GRIA4: variants seen among roughly 807,000 people sequenced by gnomAD.
The protein encoded by GRIA4 is glutamate ionotropic receptor AMPA type subunit 4.
GRIA4 carries 34 observed loss-of-function variants against 104.0 expected under a neutral mutation model. The observed-to-expected ratio is 0.33, with a 90% confidence interval of 0.25 to 0.44. The LOEUF (loss-of-function observed/expected upper bound fraction) is 0.44, where lower values mean the gene tolerates loss of function less well. GRIA4 is among the 20% of genes least tolerant of loss of function. The pLI, the probability that GRIA4 is intolerant of heterozygous loss-of-function variation, is 1.00. For synonymous variants in GRIA4, 386 were observed against 381.9 expected, an observed-to-expected ratio of 1.01 and a Z score of -0.13; for missense variants, 750 against 1,096.5, an observed-to-expected ratio of 0.68 and a Z score of 4.46.
intron 14 of GRIA4, chr11:105,965,986 A>AG: frequency 6.2e-7 from 1 of 1,613,374 alleles, no homozygotes; most frequent in East Asian, 2.2e-5. Flanking sequence ...TGAATGAACA[A>AG]GGCCTCTTGG....
At chr11:105,788,150 C>G (rs1942057175) in intron 4 of GRIA4, among the ~76,000 whole-genome samples, 1 of 152,076 alleles carries the variant, frequency 6.6e-6, no homozygotes, top group Admixed American at 6.5e-5. Context: ...TACAAAAAGG[C>G]TTTCAAATGT....
At chr11:105,621,203 G>A (rs1189809153) in intron 3 of GRIA4, among the ~76,000 whole-genome samples, 1 of 151,612 alleles carries the variant, frequency 6.6e-6, no homozygotes, top group African/African-American at 2.4e-5. Flanking sequence ...ATTCCAAAAT[G>A]AGCAGACTTT....
intron 14 of GRIA4, among the ~76,000 whole-genome samples, chr11:105,946,956 T>C (rs1304557826): frequency 6.6e-6 from 1 of 152,224 alleles, no homozygotes; most frequent in African/African-American, 2.4e-5. Context: ...TGCAAATCCT[T>C]AAAGTTGGAT....
At chr11:105,964,638 C>T (rs1948815962) in intron 14 of GRIA4, among the ~76,000 whole-genome samples, 1 of 152,114 alleles carries the variant, frequency 6.6e-6, no homozygotes. Context: ...CCCAAATTCC[C>T]TCAGCATATG....
intron 3 of GRIA4, among the ~76,000 whole-genome samples, chr11:105,632,884 G>A (rs909501118): frequency 6.6e-6 from 1 of 152,176 alleles, no homozygotes; most frequent in African/African-American, 2.4e-5. Context: ...ATAATAATTT[G>A]TATCATTCCC....
At chr11:105,904,516 A>T (rs192980254) in intron 8 of GRIA4, among the ~76,000 whole-genome samples, 1 of 152,348 alleles carries the variant, frequency 6.6e-6, no homozygotes, top group Admixed American at 6.5e-5. Context: ...GTCCTGGAAC[A>T]TACCAGAACC....
At chr11:105,680,691 T>C (rs1157245506) in intron 3 of GRIA4, among the ~76,000 whole-genome samples, 1 of 152,150 alleles carries the variant, frequency 6.6e-6, no homozygotes, top group Non-Finnish European at 1.5e-5. Context: ...AAGAAGTGAC[T>C]CAATTTCTGA....
chr11:105,814,301 T>C (rs1481909759), intron 4 of GRIA4, among the ~76,000 whole-genome samples: 1 of 152,226 alleles, frequency 6.6e-6, no homozygotes, highest in Non-Finnish European at 1.5e-5. Flanking sequence ...TAGTGTCAAA[T>C]AAATGCTAGT....
intron 3 of GRIA4, among the ~76,000 whole-genome samples, chr11:105,750,142 T>G (rs1939914916): frequency 6.6e-6 from 1 of 152,044 alleles, no homozygotes; most frequent in African/African-American, 2.4e-5. Context: ...GATTCAAGAG[T>G]GTTTTCAAAG....
chr11:105,759,213 C>T (rs1446840701), intron 4 of GRIA4, among the ~76,000 whole-genome samples: 2 of 151,992 alleles, frequency 1.3e-5, no homozygotes, highest in Non-Finnish European at 2.9e-5. Flanking sequence ...CATCCTTAAA[C>T]TCTAATAAAT....
intron 3 of GRIA4, among the ~76,000 whole-genome samples, chr11:105,711,738 A>AT (rs1471013705): frequency 1.3e-5 from 2 of 152,176 alleles, no homozygotes; most frequent in African/African-American, 4.8e-5. Context: ...TGTCCAAGAC[A>AT]TTATAAGTAA....
intron 5 of GRIA4, among the ~76,000 whole-genome samples, chr11:105,864,478 A>G (rs1309728624): frequency 6.6e-6 from 1 of 152,218 alleles, no homozygotes; most frequent in African/African-American, 2.4e-5. Flanking sequence ...AATAATCTTG[A>G]TTAGAAAAAT....
At chr11:105,744,463 T>A (rs1939520591) in intron 3 of GRIA4, among the ~76,000 whole-genome samples, 1 of 152,100 alleles carries the variant, frequency 6.6e-6, no homozygotes. Context: ...GTTATCCGAG[T>A]TCAGATATCT....
At chr11:105,662,394 G>A (rs550314883) in intron 3 of GRIA4, among the ~76,000 whole-genome samples, 1 of 151,854 alleles carries the variant, frequency 6.6e-6, no homozygotes, top group South Asian at 2.1e-4. Context: ...GAAAGGAAAG[G>A]AGAACTGCAT....
chr11:105,961,414 A>G lies in GRIA4; in HGVS notation c.2295-10500A>G, dbSNP rs1383954126. Among the ~76,000 whole-genome samples the G allele has an allele frequency of 6.6e-5, 10 of 152,296 alleles. No homozygotes were observed. In the East Asian group the frequency reaches 1.7e-3, roughly 26 times the overall value. The stretch of plus-strand genomic sequence containing the variant: ...CAATTTTTAAGTGTTTTTAAACTAT[A>G]TTAAGATTTATTAAGGACTATGAAA... On this transcript the variant is annotated intron_variant, in intron 14 of 16. Coordinates refer to ENST00000282499, the MANE Select transcript of GRIA4 (RefSeq NM_000829.4).
chr11:105,753,219 G>A lies in GRIA4; in HGVS notation c.486G>A (p.Arg162=), dbSNP rs756248930. The change falls in exon 4 of 17, where the codon AGG becomes AGA. Residue 162 remains arginine, a splice_region_variant and synonymous_variant. Coordinates refer to ENST00000282499, the MANE Select transcript of GRIA4 (RefSeq NM_000829.4). ...TTGTCTTCCTGTATGACACAGACAG[G>A]GGTAAGTCCAGTTTCTTCATCTATT... ...NCFVFLYDTD[R]GYSILQAIME... 39 of 1,613,194 alleles carry A rather than the reference G, an allele frequency of 2.4e-5. No individual in the cohort carries two copies. Among genetic ancestry groups the A allele is most frequent in the Non-Finnish European group, 3.1e-5 (37 of 1,179,422 alleles).
intron 4 of GRIA4, among the ~76,000 whole-genome samples, chr11:105,837,079 AAG>A (rs1944220936): frequency 2.8e-5 from 2 of 70,894 alleles, no homozygotes; most frequent in Non-Finnish European, 7.4e-5. Flanking sequence ...AATGGCGGGC[AAG>A]AGAGAGGAGC....
chr11:105,866,448 T>A (rs1945408462), intron 5 of GRIA4, among the ~76,000 whole-genome samples: 1 of 150,876 alleles, frequency 6.6e-6, no homozygotes, highest in African/African-American at 2.4e-5. Flanking sequence ...TGTGTTTGTG[T>A]GTGTGTGTGT....
intron 5 of GRIA4, among the ~76,000 whole-genome samples, chr11:105,883,048 T>A (rs950275386): frequency 4.6e-5 from 7 of 152,070 alleles, no homozygotes; most frequent in Admixed American, 2.0e-4. Flanking sequence ...GCACCATGGA[T>A]ATTCCTAAAC....
Sources: allele counts gnomAD v4.1 joint callset (sites outside exome capture counted in the v4.1 genomes callset), GRCh38; gene constraint gnomAD v4.1.1; transcripts MANE v1.5; gene names NCBI Gene and HGNC (gene_info 2026-07-23, HGNC 2026-07-21).